Variants in MBTPS2 observed in about 807,000 individuals in gnomAD.
MBTPS2 encodes the protein membrane bound transcription factor peptidase, site 2, also known as membrane-bound transcription factor site-2 protease.
A neutral mutation model predicts 35.4 loss-of-function variants in MBTPS2; 2 were observed. The observed-to-expected ratio is 0.06, with a 90% CI of 0.02 to 0.18. MBTPS2 has a LOEUF of 0.18. Among genes scored for constraint, MBTPS2 ranks in the 10% least tolerant of loss-of-function variants. MBTPS2 has a pLI of 1.00. For synonymous variants in MBTPS2, 125 were observed against 140.4 expected, an observed-to-expected ratio of 0.89 and a Z score of 0.77; for missense variants, 244 against 386.5, an observed-to-expected ratio of 0.63 and a Z score of 3.09.
chrX:21,848,112 CA>C (rs1427510593), intron 3 of MBTPS2, among the ~76,000 whole-genome samples: 1 of 112,736 alleles, frequency 8.9e-6, no homozygotes, highest in African/African-American at 3.2e-5. Flanking sequence ...ATTATGCACA[CA>C]TTAAAAATGA....
In MBTPS2 at chrX:21,884,557, C is replaced by T. The variant is rs2092962630; in HGVS notation, c.*1902C>T. ...CTGTTAAACATTTTGATCTGTTGAC[C>T]CATAGGATCAGGATTTGGGAACCAC... On this transcript the variant is annotated 3_prime_UTR_variant, in exon 11 of 11. Transcript: ENST00000379484. The T allele has an allele frequency of 1.3e-6, 1 of 751,842 alleles. No individual in the cohort carries two copies. 62.0% of individuals were successfully genotyped at this position (751,842 alleles called of 1,213,427 possible).
At chrX:21,871,661 A>G (rs1287054567) in intron 7 of MBTPS2, 1 of 112,132 alleles carries the variant, frequency 8.9e-6, no homozygotes, top group Non-Finnish European at 1.9e-5. Flanking sequence ...ATTAGTTAGG[A>G]TGTCTTCTAA....
intron 7 of MBTPS2, chrX:21,871,512 C>T (rs969163967): frequency 9.0e-6 from 1 of 111,476 alleles, no homozygotes. Context: ...CATCCATAAC[C>T]TTTCAGCCTG....
chrX:21,855,674 C>G (rs935702394), intron 5 of MBTPS2, among the ~76,000 whole-genome samples: 3 of 110,855 alleles, frequency 2.7e-5, no homozygotes, highest in Non-Finnish European at 5.7e-5. Flanking sequence ...TCAAGTGACC[C>G]TCCTGCCTCG....
chrX:21,854,446 A>T (rs2092918114), intron 5 of MBTPS2, among the ~76,000 whole-genome samples: 1 of 112,582 alleles, frequency 8.9e-6, no homozygotes, highest in Non-Finnish European at 1.9e-5. Context: ...CAAATATGTG[A>T]TGTACAAAAT....
At chrX:21,873,999 G>A (rs58670919) in intron 7 of MBTPS2, among the ~76,000 whole-genome samples, 7,237 of 62,376 alleles carry the variant, frequency 0.12, 810 homozygotes, top group African/African-American at 0.32. Context: ...GTGTGTGTGT[G>A]TGTATATATA....
rs141042365 is a variant in MBTPS2 at position 21,882,513 on chromosome X, A to G, written c.1418A>G (p.Asn473Ser). ...CFALDGQWIL[N>S]SFLDATLTSV... ...GCTTTGGATGGACAATGGATTCTAA[A>G]CTCTTTCTTGGATGCCACCCTTACC... Residue 473 changes from asparagine (N) to serine (S), a missense_variant, in exon 11 of 11, where the codon AAC becomes AGC. Transcript: ENST00000379484. The G allele has an allele frequency of 1.7e-6, 2 of 1,209,167 alleles. No homozygotes were observed. The highest frequency in any genetic ancestry group is 3.5e-5 in the African/African-American group (2 of 57,035).
chrX:21,862,931 A>AAAATATATATATAT, intron 5 of MBTPS2, among the ~76,000 whole-genome samples: 1 of 13,783 alleles, frequency 7.3e-5, no homozygotes, highest in East Asian at 0.011. Flanking sequence ...TATATATATA[A>AAAATATATATATAT]ACATATATAT....
chrX:21,849,883 G>A (rs1320963039), intron 3 of MBTPS2, among the ~76,000 whole-genome samples: 1 of 107,534 alleles, frequency 9.3e-6, no homozygotes, highest in Non-Finnish European at 1.9e-5. Context: ...AAAATTAGCC[G>A]GGCGTGGTGG....
At chrX:21,851,785 A>C (rs1399716721) in intron 4 of MBTPS2, among the ~76,000 whole-genome samples, 173 bp downstream of exon 4, 1 of 111,703 alleles carries the variant, frequency 9.0e-6, no homozygotes, top group East Asian at 2.8e-4. Context: ...TTTTATAGAG[A>C]AGATTAATAT....
At chrX:21,848,525 T>A (rs1467223828) in intron 3 of MBTPS2, among the ~76,000 whole-genome samples, 1 of 104,794 alleles carries the variant, frequency 9.5e-6, no homozygotes, top group East Asian at 3.0e-4. Flanking sequence ...AATAAATAAA[T>A]AAAAATTAGC....
At chrX:21,874,318 C>T (rs1219032225) in intron 7 of MBTPS2, among the ~76,000 whole-genome samples, 1 of 106,109 alleles carries the variant, frequency 9.4e-6, no homozygotes, top group African/African-American at 3.5e-5. Flanking sequence ...AGCCACCACA[C>T]CCAGCCTCGT....
chrX:21,858,859 A>C (rs2092927383), intron 5 of MBTPS2: 1 of 98,382 alleles, frequency 1.0e-5, no homozygotes, highest in African/African-American at 3.8e-5. Flanking sequence ...ACTGCACTCC[A>C]GCCTAGGTGA....
intron 5 of MBTPS2, among the ~76,000 whole-genome samples, chrX:21,867,478 C>A (rs767633529): frequency 9.9e-5 from 11 of 110,677 alleles, no homozygotes; most frequent in South Asian, 7.6e-4. Flanking sequence ...TTAAACCATC[C>A]TTCTCCACAA....
At chrX:21,856,679 C>G (rs1177087237) in intron 5 of MBTPS2, 4 of 1,210,164 alleles carry the variant, frequency 3.3e-6, no homozygotes, top group Non-Finnish European at 4.5e-6. Flanking sequence ...TGCAGCCGCT[C>G]TTCACGAACA....
intron 5 of MBTPS2, among the ~76,000 whole-genome samples, chrX:21,862,121 A>G (rs758630941): frequency 6.3e-5 from 7 of 111,496 alleles, no homozygotes; most frequent in Admixed American, 1.9e-4. Context: ...TAGCTACATT[A>G]CAGCCCACAG....
chrX:21,849,212 AAAACTAAAAAC>A (rs2092912007), intron 3 of MBTPS2, among the ~76,000 whole-genome samples: 1 of 112,059 alleles, frequency 8.9e-6, no homozygotes. Flanking sequence ...TTATATATCA[AAAACTAAAAAC>A]AAAGTAAAAT....
At chrX:21,873,115 C>T (rs781456439) in intron 7 of MBTPS2, 21 of 111,809 alleles carry the variant, frequency 1.9e-4, no homozygotes, top group Non-Finnish European at 3.4e-4. Flanking sequence ...TAAACCATCT[C>T]CACCAATTAT....
intron 5 of MBTPS2, among the ~76,000 whole-genome samples, chrX:21,862,967 T>TATATATATATATATATATAA (rs1283198445): frequency 2.4e-4 from 14 of 58,348 alleles, no homozygotes; most frequent in Non-Finnish European, 4.3e-4. Context: ...TATATATATA[T>TATATATATATATATATATAA]AAAACCGACT....
Sources: allele counts gnomAD v4.1 joint callset (sites outside exome capture counted in the v4.1 genomes callset), GRCh38; gene constraint gnomAD v4.1.1; transcripts MANE v1.5; gene names NCBI Gene and HGNC (gene_info 2026-07-23, HGNC 2026-07-21).